NTM: variants seen among roughly 807,000 people sequenced by gnomAD.
NTM encodes the protein neurotrimin.
Under a neutral mutation model 42.1 loss-of-function variants are expected in NTM, and 13 were observed. The observed-to-expected ratio is 0.31, with a 90% CI of 0.20 to 0.49. The LOEUF is 0.49. Among genes scored for constraint, NTM ranks in the 20% least tolerant of loss-of-function variants. The probability of loss-of-function intolerance (pLI) is 0.99; values close to 1 mark genes in which losing one functional copy is unlikely to be tolerated. For synonymous variants in NTM, 187 were observed against 179.2 expected (o/e 1.04, Z -0.35); for missense variants, 373 against 452.8 (o/e 0.82, Z 1.60).
intron 2 of NTM, among the ~76,000 whole-genome samples, chr11:132,137,908 C>T (rs990559747): frequency 1.3e-5 from 2 of 152,186 alleles, no homozygotes; most frequent in Admixed American, 6.5e-5. Context: ...CAGAGAGCAA[C>T]GTGCTAGCTT....
At chr11:131,798,313 C>G (rs1048620187) in intron 1 of NTM, among the ~76,000 whole-genome samples, 1 of 152,140 alleles carries the variant, frequency 6.6e-6, no homozygotes, top group Non-Finnish European at 1.5e-5. Context: ...AGAACTGGCA[C>G]AGTGCTGCAG....
chr11:132,270,068 A>G lies in NTM; in HGVS notation c.527-37621A>G, dbSNP rs970839913. On this transcript the variant is annotated intron_variant, in intron 4 of 8. Coordinates refer to ENST00000683400, the MANE Select transcript of NTM (RefSeq NM_001352005.2). Reference sequence around the variant, plus strand: ...CCTCAGCGTCCTACTCCAGGCAACCACTCGTGTGGCCTCTATAACTACGGA... The same window carrying G: ...CCTCAGCGTCCTACTCCAGGCAACCGCTCGTGTGGCCTCTATAACTACGGA... 2.6e-5 allele frequency among the ~76,000 whole-genome samples: 4 copies of G among 151,880 alleles called. No individual in the cohort carries two copies. The East Asian group carries it at 5.8e-4, about 22-fold the overall frequency.
intron 2 of NTM, among the ~76,000 whole-genome samples, chr11:131,946,116 G>A (rs1054536818): frequency 3.2e-4 from 49 of 152,254 alleles, no homozygotes; most frequent in African/African-American, 1.2e-3. Flanking sequence ...TGGGTAAAGG[G>A]GGAGATAAAT....
intron 2 of NTM, among the ~76,000 whole-genome samples, chr11:131,932,730 C>T (rs1046122019): frequency 4.6e-5 from 7 of 152,152 alleles, no homozygotes; most frequent in Non-Finnish European, 1.0e-4. Context: ...AAAAGGGATT[C>T]GCTCCCTGCC....
chr11:131,753,934 A>G (rs2082932018), intron 1 of NTM, among the ~76,000 whole-genome samples: 1 of 151,456 alleles, frequency 6.6e-6, no homozygotes, highest in Non-Finnish European at 1.5e-5. Flanking sequence ...CATATACACC[A>G]TGGAATACTA....
intron 2 of NTM, among the ~76,000 whole-genome samples, chr11:132,033,896 G>T (rs954855777): frequency 1.3e-5 from 2 of 152,100 alleles, no homozygotes; most frequent in African/African-American, 4.8e-5. Context: ...TGATGATGTG[G>T]TTAGTCTTCA....
chr11:132,283,801 T>G (rs899228077), intron 4 of NTM, among the ~76,000 whole-genome samples: 1 of 152,062 alleles, frequency 6.6e-6, no homozygotes. Context: ...TCCTGTTCAA[T>G]GGGGGGCTTT....
intron 2 of NTM, among the ~76,000 whole-genome samples, chr11:132,005,312 T>C (rs9919547): frequency 0.01 from 1,569 of 152,280 alleles, 34 homozygotes; most frequent in African/African-American, 0.036. Flanking sequence ...GTGATGAATA[T>C]CTACAAAACC....
chr11:131,694,590 G>A (rs2075198213), intron 1 of NTM, among the ~76,000 whole-genome samples: 1 of 152,152 alleles, frequency 6.6e-6, no homozygotes. Flanking sequence ...GAAAGGGCGT[G>A]CAAGGCTGAA....
chr11:131,435,315 A>G (rs1171101334), intron 1 of NTM, among the ~76,000 whole-genome samples: 27 of 152,148 alleles, frequency 1.8e-4, no homozygotes, highest in Admixed American at 1.8e-3. Flanking sequence ...AGTTTTTTCC[A>G]ATTCTGTGAA....
At chr11:131,806,736 G>A (rs1251146190) in intron 1 of NTM, among the ~76,000 whole-genome samples, 1 of 152,060 alleles carries the variant, frequency 6.6e-6, no homozygotes, top group Non-Finnish European at 1.5e-5. Context: ...TCATGTCACA[G>A]ATGACACACA....
intron 2 of NTM, among the ~76,000 whole-genome samples, chr11:132,028,465 G>A (rs2075484158): frequency 6.6e-6 from 1 of 152,054 alleles, no homozygotes; most frequent in South Asian, 2.1e-4. Context: ...GTTGTCCCTA[G>A]AAATTTATTT....
intron 1 of NTM, among the ~76,000 whole-genome samples, chr11:131,606,221 T>TA (rs1166197943): frequency 6.6e-6 from 1 of 152,084 alleles, no homozygotes; most frequent in East Asian, 1.9e-4. Flanking sequence ...CTGGTGTATT[T>TA]AAAAAAATTT....
At chr11:132,069,676 A>G (rs375670866) in intron 2 of NTM, among the ~76,000 whole-genome samples, 2,401 of 131,938 alleles carry the variant, frequency 0.018, 19 homozygotes, top group African/African-American at 0.038. Flanking sequence ...CACACTGACC[A>G]TCACAGGTTA....
chr11:131,757,991 C>T (rs560923909), intron 1 of NTM, among the ~76,000 whole-genome samples: 1 of 152,242 alleles, frequency 6.6e-6, no homozygotes, highest in South Asian at 2.1e-4. Context: ...AACAGAACTC[C>T]ATTGAATAGT....
At chr11:131,492,972 C>A (rs1300271769) in intron 1 of NTM, among the ~76,000 whole-genome samples, 3 of 152,136 alleles carry the variant, frequency 2.0e-5, no homozygotes, top group Admixed American at 6.5e-5. Context: ...AGTCCTAGCA[C>A]TTTGAGAAAC....
intron 1 of NTM, among the ~76,000 whole-genome samples, chr11:131,422,329 T>C (rs1343100006): frequency 6.6e-6 from 1 of 152,212 alleles, no homozygotes; most frequent in Non-Finnish European, 1.5e-5. Context: ...GGTCTGAATG[T>C]GTATCTCCTC....
intron 1 of NTM, among the ~76,000 whole-genome samples, chr11:131,587,434 C>T (rs1300185987): frequency 1.5e-5 from 2 of 137,102 alleles, no homozygotes; most frequent in Non-Finnish European, 3.2e-5. Context: ...GGAGACGGAG[C>T]GAGACTCTGT....
At chr11:132,193,523 G>T (rs2079647971) in intron 3 of NTM, among the ~76,000 whole-genome samples, 2 of 151,648 alleles carry the variant, frequency 1.3e-5, no homozygotes, top group African/African-American at 2.4e-5. Context: ...AGTGTTAAAA[G>T]GAAAGTTTAT....
Sources: allele counts gnomAD v4.1 joint callset (sites outside exome capture counted in the v4.1 genomes callset), GRCh38; gene constraint gnomAD v4.1.1; transcripts MANE v1.5; gene names NCBI Gene and HGNC (gene_info 2026-07-23, HGNC 2026-07-21).